ELMO1: variants seen among roughly 807,000 people sequenced by gnomAD.
The protein encoded by ELMO1 is engulfment and cell motility protein 1.
A neutral mutation model predicts 98.9 loss-of-function variants in ELMO1; 26 were observed. The observed-to-expected ratio is 0.26, with a 90% CI of 0.19 to 0.36. The LOEUF (loss-of-function observed/expected upper bound fraction) is 0.36, where lower values mean the gene tolerates loss of function less well. ELMO1 is among the 10% of genes least tolerant of loss of function. ELMO1 has a pLI of 1.00. For missense variants in ELMO1, 627 were observed against 935.2 expected, an observed-to-expected ratio of 0.67 and a Z score of 4.30; for synonymous variants, 346 against 346.0, an observed-to-expected ratio of 1.00 and a Z score of 0.00.
chr7:37,119,172 G>C (rs1007330464), intron 14 of ELMO1, among the ~76,000 whole-genome samples: 1 of 152,174 alleles, frequency 6.6e-6, no homozygotes, highest in Non-Finnish European at 1.5e-5. Context: ...TGTGATCATT[G>C]ATGTTTAGCT....
chr7:37,136,337 C>T lies in ELMO1; in HGVS notation c.1087-3103G>A, dbSNP rs142849990. Among the ~76,000 whole-genome samples the T allele has an allele frequency of 2.3e-3, 344 of 152,196 alleles. 1 individual carries two copies. Among genetic ancestry groups the T allele is most frequent in the African/African-American group, 7.8e-3 (324 of 41,544 alleles). On this transcript the variant is annotated intron_variant, in intron 13 of 21. Transcript: ENST00000310758. ...GAGGAAAACTCCCTCAATTACCTTG[C>T]TAGAAATCTAGACAACCAAATACAA...
chr7:37,251,069 G>C (rs1303603294), intron 6 of ELMO1, among the ~76,000 whole-genome samples: 1 of 152,168 alleles, frequency 6.6e-6, no homozygotes, highest in African/African-American at 2.4e-5. Flanking sequence ...TGTGTGCTTA[G>C]AGGCATGGAC....
intron 4 of ELMO1, among the ~76,000 whole-genome samples, chr7:37,314,583 C>G (rs776638333): frequency 2.6e-5 from 4 of 152,044 alleles, no homozygotes; most frequent in Non-Finnish European, 4.4e-5. Flanking sequence ...AATTCTTTAA[C>G]CAAGCAGTAA....
chr7:37,126,152 T>A (rs1270827948), intron 14 of ELMO1, among the ~76,000 whole-genome samples: 1 of 149,810 alleles, frequency 6.7e-6, no homozygotes. Context: ...TGATGTGGGG[T>A]GGGAGGAGTG....
At chr7:37,279,971 C>G (rs559784966) in intron 4 of ELMO1, among the ~76,000 whole-genome samples, 3 of 152,248 alleles carry the variant, frequency 2.0e-5, no homozygotes, top group African/African-American at 7.2e-5. Flanking sequence ...GCCATAGTCA[C>G]CAAAACAGCA....
At position 37,211,412 on chromosome 7, in the gene ELMO1, G is replaced by A. The variant is rs759455617; in HGVS notation, c.1060C>T (p.Arg354Ter). 3 of 1,613,974 alleles carry A rather than the reference G, an allele frequency of 1.9e-6. No individual in the cohort carries two copies. The highest frequency in any genetic ancestry group is 1.3e-5 in the African/African-American group (1 of 75,018). The change falls in exon 13 of 22, where the codon CGA becomes TGA. Residue 354 changes from arginine to a stop codon, truncating the protein, a stop_gained. Transcript: ENST00000310758. LOFTEE classifies it high-confidence loss of function. Reference sequence around the variant, plus strand: ...ATGAACCCAAGCTTCTTATAATCTCGCGTGTACATGGACTTGCGTTTCTCC... The same window carrying A: ...ATGAACCCAAGCTTCTTATAATCTCACGTGTACATGGACTTGCGTTTCTCC... The part of the protein sequence containing the change: ...SMEKRKSMYT[R>*]DYKKLGFINH...
chr7:37,165,821 G>C (rs1426245087), intron 13 of ELMO1, among the ~76,000 whole-genome samples: 29 of 152,082 alleles, frequency 1.9e-4, no homozygotes, highest in Non-Finnish European at 1.9e-4. Flanking sequence ...GTCTCTGCCC[G>C]GCTTTGGTAT....
At chr7:37,151,601 T>C (rs909346051) in intron 13 of ELMO1, among the ~76,000 whole-genome samples, 4 of 152,124 alleles carry the variant, frequency 2.6e-5, no homozygotes, top group African/African-American at 9.7e-5. Context: ...TTCAACCTAA[T>C]AGCTAAACAG....
intron 8 of ELMO1, among the ~76,000 whole-genome samples, chr7:37,231,744 G>A (rs548401484): frequency 1.4e-4 from 22 of 152,074 alleles, no homozygotes; most frequent in Non-Finnish European, 3.1e-4. Flanking sequence ...ATCAAATGCC[G>A]GCATTGCACC....
intron 16 of ELMO1, among the ~76,000 whole-genome samples, chr7:36,955,033 C>A (rs1012930659): frequency 6.6e-6 from 1 of 152,180 alleles, no homozygotes; most frequent in Non-Finnish European, 1.5e-5. Context: ...TCAGGACTAT[C>A]AGCTCCCATT....
chr7:36,926,344 G>C (rs144203144), intron 16 of ELMO1, among the ~76,000 whole-genome samples: 7 of 152,326 alleles, frequency 4.6e-5, no homozygotes, highest in Non-Finnish European at 5.9e-5. Flanking sequence ...ACAAGGGTAG[G>C]ACCCAGGCCT....
At chr7:37,220,651 T>G (rs1294365073) in intron 10 of ELMO1, among the ~76,000 whole-genome samples, 1 of 152,218 alleles carries the variant, frequency 6.6e-6, no homozygotes, top group Admixed American at 6.5e-5. Flanking sequence ...ATTCCCTATT[T>G]GTCCATGGTC....
At chr7:36,869,093 C>T (rs959537162) in intron 20 of ELMO1, among the ~76,000 whole-genome samples, 8 of 152,248 alleles carry the variant, frequency 5.3e-5, no homozygotes, top group African/African-American at 1.2e-4. Context: ...TATAGAATCT[C>T]TGTCTCCCCA....
chr7:36,894,990 T>C lies in ELMO1; in HGVS notation c.1465A>G (p.Met489Val), dbSNP rs1805879215. Residue 489 changes from methionine (M) to valine (V), a missense_variant, in exon 17 of 22, where the codon ATG (methionine) becomes GTG (valine). Transcript: ENST00000310758. ...CTAGGCTTGGTTGTAAGTGCTCTCA[T>C]AACCTGCTCCTTCACCACCTGCATT... ...KVMQVVKEQV[M>V]RALTTKPSSL... 6.2e-7 allele frequency: 1 copy of C among 1,613,892 alleles called. No homozygotes were observed. Among genetic ancestry groups the C allele is most frequent in the Non-Finnish European group, 8.5e-7 (1 of 1,179,978 alleles).
chr7:37,327,342 T>C (rs1799872613), intron 2 of ELMO1, among the ~76,000 whole-genome samples: 1 of 152,218 alleles, frequency 6.6e-6, no homozygotes, highest in African/African-American at 2.4e-5. Flanking sequence ...AGCTTAAAAA[T>C]AAAAATTCAG....
chr7:37,293,043 T>TGG (rs546791162), intron 4 of ELMO1, among the ~76,000 whole-genome samples: 1 of 28,700 alleles, frequency 3.5e-5, no homozygotes, highest in Non-Finnish European at 7.6e-5. Flanking sequence ...GGGAGGGAGG[T>TGG]GGGGGGGTCA....
chr7:37,331,209 G>A (rs1189952766), intron 2 of ELMO1, among the ~76,000 whole-genome samples: 10 of 149,946 alleles, frequency 6.7e-5, no homozygotes, highest in South Asian at 6.3e-4. Flanking sequence ...TCGCTCTGTC[G>A]CCCAAGTTGG....
chr7:37,026,018 G>A (rs1229902967), intron 15 of ELMO1, among the ~76,000 whole-genome samples: 1 of 151,926 alleles, frequency 6.6e-6, no homozygotes, highest in African/African-American at 2.4e-5. Flanking sequence ...TTCTAGTTGT[G>A]TGGTAAACAG....
intron 16 of ELMO1, among the ~76,000 whole-genome samples, chr7:37,002,494 G>C (rs1792749498): frequency 6.6e-6 from 1 of 152,194 alleles, no homozygotes; most frequent in African/African-American, 2.4e-5. Context: ...ACCATGTGGT[G>C]ATTGTACCGA....
Sources: gnomAD v4.1 joint callset for allele counts (sites outside exome capture counted in the v4.1 genomes callset) on GRCh38, gnomAD v4.1.1 for gene constraint, MANE v1.5 for transcripts, NCBI Gene and HGNC (gene_info 2026-07-23, HGNC 2026-07-21) for gene names.